The following RBFOX3 variants were observed in gnomAD, a reference collection of about 807,000 sequenced individuals.
RBFOX3 encodes RNA binding protein fox-1 homolog 3.
Under a neutral mutation model 48.7 loss-of-function variants are expected in RBFOX3, and 17 were observed. The observed-to-expected ratio is 0.35, with a 90% confidence interval of 0.24 to 0.52. The LOEUF (loss-of-function observed/expected upper bound fraction) is 0.52. Among genes scored for constraint, RBFOX3 ranks in the 20% least tolerant of loss-of-function variants. The pLI, the probability that RBFOX3 is intolerant of heterozygous loss-of-function variation, is 0.94. For missense variants in RBFOX3, 382 were observed against 497.5 expected, an observed-to-expected ratio of 0.77 and a Z score of 2.21; for synonymous variants, 212 against 209.5, an observed-to-expected ratio of 1.01 and a Z score of -0.10.
At position 79,155,632 on chromosome 17, in the gene RBFOX3, G is replaced by A. The variant is rs569894444; in HGVS notation, c.-33-39884C>T. On this transcript the variant is annotated intron_variant, in intron 4 of 14. Transcript: ENST00000693108. ...GTGAAGACGAAGTGGGTGGGGAGAA[G>A]GACCCTGTCCCTTAGGGGCACGGAG... Among the ~76,000 whole-genome samples, 5 of 152,290 alleles carry A rather than the reference G, an allele frequency of 3.3e-5. No individual in the cohort carries two copies. In the South Asian group the frequency reaches 1.0e-3, roughly 32 times the overall value.
the RBFOX3 span, among the ~76,000 whole-genome samples, chr17:79,661,327 A>G: frequency 6.6e-6 from 1 of 152,244 alleles, no homozygotes; most frequent in African/African-American, 2.4e-5. Context: ...AAAGATTTCC[A>G]TCTTGCCCAT....
intron 1 of RBFOX3, among the ~76,000 whole-genome samples, chr17:79,513,315 A>G (rs1417947635): frequency 2.0e-5 from 3 of 152,162 alleles, no homozygotes; most frequent in East Asian, 1.9e-4. Flanking sequence ...GCCAGGTGAC[A>G]CACACCCAGA....
At chr17:79,351,781 T>C (rs1461537394) in intron 2 of RBFOX3, among the ~76,000 whole-genome samples, 3 of 152,244 alleles carry the variant, frequency 2.0e-5, no homozygotes, top group Non-Finnish European at 2.9e-5. Flanking sequence ...CATCTGTTGG[T>C]TGCTTTTCCA....
intron 2 of RBFOX3, among the ~76,000 whole-genome samples, chr17:79,454,220 C>T (rs1483677244): frequency 6.6e-5 from 10 of 152,180 alleles, no homozygotes; most frequent in Admixed American, 4.6e-4. Flanking sequence ...CCCACCCAGC[C>T]GCATGCCCCA....
intron 1 of RBFOX3, among the ~76,000 whole-genome samples, chr17:79,521,197 C>G (rs1161082446): frequency 6.6e-6 from 1 of 151,746 alleles, no homozygotes; most frequent in East Asian, 1.9e-4. Context: ...CAGACACACA[C>G]AGATACACAC....
In RBFOX3 at chr17:79,199,899, G is replaced by A. The variant is rs529909913; in HGVS notation, c.-34+35867C>T. On this transcript the variant is annotated intron_variant, in intron 4 of 14. Transcript: ENST00000693108. This position sits in a 1 kb window ranked among gnomAD's most constrained non-coding sequence, Gnocchi z 5.1. ...AAAAGGGCCGGACGTGGTGGCTCACGCCTGTAATCCCAGCACTTTGGGAGG... is the reference window on the plus strand; with the variant it reads ...AAAAGGGCCGGACGTGGTGGCTCACACCTGTAATCCCAGCACTTTGGGAGG... Among the ~76,000 whole-genome samples the A allele has an allele frequency of 5.6e-4, 86 of 152,264 alleles. No individual in the cohort carries two copies. The highest frequency in any genetic ancestry group is 3.4e-3 in the Middle Eastern group (1 of 294).
Position 79,103,035 on chromosome 17 carries a change from C to T in RBFOX3, c.507+127G>A. On this transcript the variant is annotated intron_variant, in intron 8 of 14. Coordinates refer to ENST00000693108, the MANE Select transcript of RBFOX3 (RefSeq NM_001350451.2). This position sits in a 1 kb window ranked among gnomAD's most constrained non-coding sequence, Gnocchi z 6.1. ...CCTGGCCTTAGTGCGACCCTTCCTC[C>T]CACCCCAGGGAACCCTGGCCAGGCT... 5.6e-6 allele frequency: 4 copies of T among 712,660 alleles called. No individual in the cohort carries two copies. Among genetic ancestry groups the T allele is most frequent in the Non-Finnish European group, 9.6e-6 (4 of 414,994 alleles). The allele number at this position is 712,660 out of a possible 1,614,324, so 44.1% of individuals were successfully genotyped here.
Position 79,561,391 on chromosome 17 carries a change from C to G in RBFOX3, c.-320+49435G>C, listed in dbSNP as rs1027988112. Among the ~76,000 whole-genome samples, 1,177 of 152,208 alleles carry G rather than the reference C, an allele frequency of 7.7e-3. 10 individuals carry two copies. Among genetic ancestry groups the G allele is most frequent in the African/African-American group, 0.026 (1,097 of 41,498 alleles). On this transcript the variant is annotated intron_variant, in intron 1 of 14. Coordinates refer to ENST00000693108, the MANE Select transcript of RBFOX3 (RefSeq NM_001350451.2). ...TCCCCAGGCTCTCCAAATCCTAGAC[C>G]TCCCTCTGCTCCAGTCACCCCCAAG...
chr17:79,097,173 T>TCC (rs147472360), intron 11 of RBFOX3, 119 bp downstream of exon 11: 111 of 665,428 alleles, frequency 1.7e-4, no homozygotes, highest in South Asian at 3.5e-4. Context: ...CCCACGATCC[T>TCC]CCCCCCCCCC....
At chr17:79,215,161 G>A (rs192296920) in intron 4 of RBFOX3, among the ~76,000 whole-genome samples, 2 of 152,326 alleles carry the variant, frequency 1.3e-5, no homozygotes, top group Admixed American at 1.3e-4. Context: ...TCTGGGGGAA[G>A]TGGGAGGGAG....
At chr17:79,475,301 C>T (rs34470475) in intron 2 of RBFOX3, among the ~76,000 whole-genome samples, 46,605 of 151,982 alleles carry the variant, frequency 0.31, 7,508 homozygotes, top group Non-Finnish European at 0.35. Context: ...TTGGTTTTAC[C>T]GCTCAGCCTG....
intron 4 of RBFOX3, among the ~76,000 whole-genome samples, chr17:79,161,377 G>A (rs1279140010): frequency 2.0e-5 from 3 of 152,166 alleles, no homozygotes; most frequent in African/African-American, 2.4e-5. Flanking sequence ...TGGAAGCACC[G>A]CATGGCTCCA....
At chr17:79,337,930 T>G (rs1568068106) in intron 2 of RBFOX3, among the ~76,000 whole-genome samples, 1 of 151,252 alleles carries the variant, frequency 6.6e-6, no homozygotes, top group Non-Finnish European at 1.5e-5. Flanking sequence ...TTTGCTGGCA[T>G]ACTTCTCCAG....
rs188659899 is a variant in RBFOX3 at position 79,194,161 on chromosome 17, C to T, written c.-34+41605G>A. 3.4e-3 allele frequency among the ~76,000 whole-genome samples: 523 copies of T among 152,320 alleles called. 1 individual carries two copies. The highest frequency in any genetic ancestry group is 0.014 in the Middle Eastern group (4 of 294). On this transcript the variant is annotated intron_variant, in intron 4 of 14. Transcript: ENST00000693108. ...CTCTCCTTTCACATGGCGCTGTCCT[C>T]GCTCCCACAGCTGCTGTGGTAGAAA...
intron 2 of RBFOX3, among the ~76,000 whole-genome samples, chr17:79,384,156 G>A (rs1208854834): frequency 1.3e-5 from 2 of 152,216 alleles, no homozygotes; most frequent in African/African-American, 4.8e-5. Flanking sequence ...TCCAGGCAGG[G>A]GAGCTGCACT....
At chr17:79,312,287 A>AG (rs914060534) in intron 2 of RBFOX3, among the ~76,000 whole-genome samples, 3 of 916 alleles carry the variant, frequency 3.3e-3, no homozygotes, top group African/African-American at 3.8e-3. Context: ...GCAGATTAAG[A>AG]AAAAAAAAAA....
At chr17:79,428,433 C>T (rs1220599924) in intron 2 of RBFOX3, among the ~76,000 whole-genome samples, 2 of 152,258 alleles carry the variant, frequency 1.3e-5, no homozygotes, top group Admixed American at 1.3e-4. Flanking sequence ...AGGGCAGAGC[C>T]AGCTCCACTG....
At chr17:79,144,571 C>T (rs2042630803) in intron 4 of RBFOX3, among the ~76,000 whole-genome samples, 1 of 152,286 alleles carries the variant, frequency 6.6e-6, no homozygotes, top group East Asian at 1.9e-4. Context: ...GTGGAGGGGG[C>T]AGGGCTCATG....
At chr17:79,592,239 G>A (rs949429437) in intron 1 of RBFOX3, among the ~76,000 whole-genome samples, 156 of 140,454 alleles carry the variant, frequency 1.1e-3, no homozygotes, top group African/African-American at 4.4e-3. Flanking sequence ...GAGTATTGTC[G>A]TCTGTGGATG....
Sources: gnomAD v4.1 joint callset for allele counts (sites outside exome capture counted in the v4.1 genomes callset) on GRCh38, gnomAD v4.1.1 for gene constraint, Gnocchi (gnomAD v3.1) non-coding constraint, MANE v1.5 for transcripts, NCBI Gene and HGNC (gene_info 2026-07-23, HGNC 2026-07-21) for gene names.